The following CDC27 variants were observed in gnomAD, a reference collection of about 807,000 sequenced individuals.
The protein encoded by CDC27 is cell division cycle 27.
A neutral mutation model predicts 109.7 loss-of-function variants in CDC27; 27 were observed. The ratio of observed to expected loss-of-function variants is 0.25; its 90% CI spans 0.18 to 0.34. The LOEUF (loss-of-function observed/expected upper bound fraction) is 0.34. CDC27 is among the 10% of genes least tolerant of loss of function. The pLI, the probability that CDC27 is intolerant of heterozygous loss-of-function variation, is 1.00. For missense variants in CDC27, 579 were observed against 960.2 expected (o/e 0.60, Z 5.25); for synonymous variants, 266 against 333.9 (o/e 0.80, Z 2.22).
At chr17:47,145,630 T>C (rs2062933553) in intron 9 of CDC27, among the ~76,000 whole-genome samples, 1 of 152,058 alleles carries the variant, frequency 6.6e-6, no homozygotes, top group Non-Finnish European at 1.5e-5. Flanking sequence ...TGGCCGGGCA[T>C]GGTGGCTCAC....
rs1313409565 is a variant in CDC27, at chr17:47,118,299, C to T, written c.*2636G>A. ...CATGGTTCAAATGTTACTTGTAGTT[C>T]TCGGAAAAATTAAAAATTTTAAGTG... On this transcript the variant is annotated 3_prime_UTR_variant, in exon 19 of 19. Coordinates refer to ENST00000066544, the MANE Select transcript of CDC27 (RefSeq NM_001256.6). The T allele has an allele frequency of 6.6e-6, 1 of 152,252 alleles. No individual in the cohort carries two copies. The highest frequency in any genetic ancestry group is 6.6e-5 in the Admixed American group (1 of 15,222). 9.4% of individuals were successfully genotyped at this position (152,252 alleles called of 1,614,324 possible).
intron 12 of CDC27, among the ~76,000 whole-genome samples, chr17:47,139,266 CTT>C (rs758367976): frequency 1.5e-4 from 21 of 137,854 alleles, no homozygotes; most frequent in Admixed American, 2.2e-4. Context: ...CAGAATAACT[CTT>C]TTTTTTTTTT....
intron 2 of CDC27, 79 bp downstream of exon 2, chr17:47,181,483 T>A: frequency 1.3e-6 from 1 of 749,612 alleles, no homozygotes. Flanking sequence ...AGCTAGAATC[T>A]TGTTACAGTG....
At chr17:47,165,474 T>C (rs2063616298) in intron 4 of CDC27, among the ~76,000 whole-genome samples, 1 of 152,228 alleles carries the variant, frequency 6.6e-6, no homozygotes, top group South Asian at 2.1e-4. Context: ...ATATACTCTC[T>C]TTGGTGAAAT....
At chr17:47,150,037 T>C (rs1170076872) in intron 9 of CDC27, among the ~76,000 whole-genome samples, 1 of 152,024 alleles carries the variant, frequency 6.6e-6, no homozygotes, top group Admixed American at 6.6e-5. Context: ...AATAATGCAC[T>C]GTGGGGTTTA....
At chr17:47,176,036 T>C (rs530348867) in intron 2 of CDC27, among the ~76,000 whole-genome samples, 2 of 152,062 alleles carry the variant, frequency 1.3e-5, no homozygotes, top group Non-Finnish European at 2.9e-5. Flanking sequence ...CCTTTAAAGG[T>C]TGCTGTTAGG....
intron 3 of CDC27, 125 bp downstream of exon 3, chr17:47,171,792 G>C (rs909644337): frequency 3.2e-6 from 2 of 634,778 alleles, no homozygotes; most frequent in Non-Finnish European, 5.3e-6. Flanking sequence ...TAAACATTTC[G>C]AATGTTACTG....
chr17:47,152,403 A>G (rs967158744), intron 8 of CDC27, among the ~76,000 whole-genome samples: 4 of 152,226 alleles, frequency 2.6e-5, no homozygotes, highest in Admixed American at 6.5e-5. Flanking sequence ...TTTTAAAAAA[A>G]CAACCATCTG....
At chr17:47,125,670 A>G (rs1045838707) in intron 16 of CDC27, among the ~76,000 whole-genome samples, 1 of 151,140 alleles carries the variant, frequency 6.6e-6, no homozygotes. Flanking sequence ...CAGCCTCCCA[A>G]GTAGCTGTGA....
Position 47,159,463 on chromosome 17 carries a change from T to C in CDC27, c.378-1160A>G, listed in dbSNP as rs72628348. ...TTCTTGGGCACACGTGCCAAGACGA[T>C]GCCCGTGCTCCTGGGGGTGCGACGA... On this transcript the variant is annotated intron_variant, in intron 4 of 18. Coordinates refer to ENST00000066544, the MANE Select transcript of CDC27 (RefSeq NM_001256.6). 7.9e-4 allele frequency: 492 copies of C among 625,762 alleles called. 5 individuals are homozygous for C. In the East Asian group the frequency reaches 0.011, roughly 14 times the overall value. 38.8% of individuals were successfully genotyped at this position (625,762 alleles called of 1,614,324 possible). A position where few individuals can be genotyped will look rare whatever the true frequency, so the allele number is the denominator to read the frequency against.
At chr17:47,165,364 T>C (rs858677) in intron 4 of CDC27, among the ~76,000 whole-genome samples, 110,366 of 152,076 alleles carry the variant, frequency 0.73, 40,415 homozygotes, top group Admixed American at 0.82. Context: ...GTATTGTCAG[T>C]AGTTTTTATT....
chr17:47,133,076 CACACACACAA>C lies in CDC27; in HGVS notation c.1914-712_1914-703del, dbSNP rs1474221168. Among the ~76,000 whole-genome samples, 73 of 83,864 alleles carry C rather than the reference CACACACACAA, an allele frequency of 8.7e-4. 3 individuals carry two copies. The highest frequency in any genetic ancestry group is 3.0e-3 in the African/African-American group (59 of 19,980). The allele number at this position is 83,864 out of a possible 152,430, so 55.0% of individuals were successfully genotyped here. On this transcript the variant is annotated intron_variant, in intron 14 of 18. Transcript: ENST00000066544. ...ACACATACATATACACACACACACA[CACACACACAA>C]ACACACACACACAAATATACATATA... is the stretch of plus-strand genomic sequence containing the variant.
At position 47,175,630 on chromosome 17, in the gene CDC27, A is replaced by G. The variant is rs2063977065; in HGVS notation, c.104-3566T>C. Among the ~76,000 whole-genome samples the G allele has an allele frequency of 2.6e-5, 4 of 152,336 alleles. No individual in the cohort carries two copies. The South Asian group carries it at 8.3e-4, about 32-fold the overall frequency. ...CACGAGCTGGAGACCAGCCTGGCCA[A>G]CATGGCGAAACCCCATCTCTACTAA... On this transcript the variant is annotated intron_variant, in intron 2 of 18. Coordinates refer to ENST00000066544, the MANE Select transcript of CDC27 (RefSeq NM_001256.6).
rs544771109 is a variant in CDC27 at position 47,126,882 on chromosome 17, C to G, written c.2160+2511G>C. Among the ~76,000 whole-genome samples, 58 of 152,260 alleles carry G rather than the reference C, an allele frequency of 3.8e-4. 1 individual carries two copies. In the South Asian group the frequency reaches 0.012, roughly 30 times the overall value. ...GATCTGGGCTCACAGCAACCTCCGC[C>G]TCATGGGTTCAAGCGATTCTCATGC... On this transcript the variant is annotated intron_variant, in intron 16 of 18. Coordinates refer to ENST00000066544, the MANE Select transcript of CDC27 (RefSeq NM_001256.6).
intron 18 of CDC27, 73 bp downstream of exon 18, chr17:47,122,370 TA>T: frequency 9.4e-7 from 1 of 1,064,436 alleles, no homozygotes. Flanking sequence ...AAAAATAAAA[TA>T]AAAGAGTAGC....
chr17:47,167,588 C>T (rs547401828), intron 4 of CDC27, among the ~76,000 whole-genome samples: 6 of 152,196 alleles, frequency 3.9e-5, no homozygotes, highest in Non-Finnish European at 8.8e-5. Context: ...TATGACAGAA[C>T]GTTTAATGTG....
intron 9 of CDC27, among the ~76,000 whole-genome samples, chr17:47,148,789 GA>G (rs1186568914): frequency 6.6e-6 from 1 of 152,070 alleles, no homozygotes; most frequent in Non-Finnish European, 1.5e-5. Flanking sequence ...TTGTCAATTA[GA>G]AATTCTTGGC....
intron 12 of CDC27, 102 bp from the exon 13 acceptor site, chr17:47,138,993 T>C (rs2062711086): frequency 2.7e-6 from 2 of 748,002 alleles, no homozygotes; most frequent in Non-Finnish European, 4.2e-6. Flanking sequence ...AAATGCTGCC[T>C]TGTATTATGG....
chr17:47,173,101 A>G (rs1205854730), intron 2 of CDC27, among the ~76,000 whole-genome samples: 1 of 152,230 alleles, frequency 6.6e-6, no homozygotes, highest in Non-Finnish European at 1.5e-5. Flanking sequence ...CAAGTTTGAG[A>G]ACCACTGTTG....
Sources: gnomAD v4.1 joint callset for allele counts (sites outside exome capture counted in the v4.1 genomes callset) on GRCh38, gnomAD v4.1.1 for gene constraint, MANE v1.5 for transcripts, NCBI Gene and HGNC (gene_info 2026-07-23, HGNC 2026-07-21) for gene names.